CC2D1A: variants seen among roughly 807,000 people sequenced by gnomAD.
CC2D1A encodes coiled-coil and C2 domain containing 1A, also known as coiled-coil and C2 domain-containing protein 1A.
A neutral mutation model predicts 123.8 loss-of-function variants in CC2D1A; 68 were observed. That is an observed-to-expected ratio of 0.55 (90% CI 0.45 to 0.67). The LOEUF is 0.67. Ranked by LOEUF, CC2D1A falls within the 30% of genes least tolerant of loss-of-function variation. The pLI, the probability that CC2D1A is intolerant of heterozygous loss-of-function variation, is 0.00. For synonymous variants in CC2D1A, 477 were observed against 528.0 expected (o/e 0.90, Z 1.32); for missense variants, 1,185 against 1,290.3 (o/e 0.92, Z 1.25).
intron 1 of CC2D1A, among the ~76,000 whole-genome samples, chr19:13,909,249 G>A (rs992822944): frequency 3.9e-5 from 6 of 151,988 alleles, no homozygotes; most frequent in Middle Eastern, 3.2e-3. Context: ...GGTGGCGGGC[G>A]CCTGTAGTCC....
intron 1 of CC2D1A, among the ~76,000 whole-genome samples, chr19:13,907,073 C>T (rs1970782061): frequency 6.6e-6 from 1 of 152,182 alleles, no homozygotes; most frequent in African/African-American, 2.4e-5. Context: ...GAAGTTCCCT[C>T]CTGGCCTCTG....
chr19:13,922,135 G>A (rs1180562909), intron 14 of CC2D1A, among the ~76,000 whole-genome samples: 1 of 152,156 alleles, frequency 6.6e-6, no homozygotes, highest in Non-Finnish European at 1.5e-5. Context: ...CCGAGTAGCT[G>A]GAACTACAGG....
Position 13,923,038 on chromosome 19 carries a change from C to CA in CC2D1A, c.1642-290dup. Among the ~76,000 whole-genome samples the CA allele has an allele frequency of 6.6e-6, 1 of 152,156 alleles. No individual in the cohort carries two copies. The highest frequency in any genetic ancestry group is 6.6e-5 in the Admixed American group (1 of 15,260). On this transcript the variant is annotated intron_variant, in intron 14 of 28. Transcript: ENST00000318003. The surrounding 1 kb of genome is among the most constrained non-coding windows in gnomAD (Gnocchi z 5.3). ...TGAAACCCTGTCTCTACTAAAAATA[C>CA]AAAAATTAGCCAGGTGTGGTGGCAG...
intron 1 of CC2D1A, among the ~76,000 whole-genome samples, chr19:13,908,366 G>A (rs777473916): frequency 3.3e-5 from 5 of 152,054 alleles, no homozygotes; most frequent in Non-Finnish European, 7.4e-5. Flanking sequence ...GGCTAGTCTC[G>A]AACTGCTGAC....
intron 14 of CC2D1A, among the ~76,000 whole-genome samples, chr19:13,922,493 G>A (rs1359992140): frequency 6.6e-6 from 1 of 152,138 alleles, no homozygotes; most frequent in Non-Finnish European, 1.5e-5. Context: ...ACATCTCCAG[G>A]AGGCCTACCC....
intron 1 of CC2D1A, among the ~76,000 whole-genome samples, chr19:13,907,831 C>A (rs890731229): frequency 7.2e-5 from 11 of 152,146 alleles, no homozygotes; most frequent in Non-Finnish European, 1.2e-4. Flanking sequence ...TTACTATTAT[C>A]ATTATTACTA....
intron 12 of CC2D1A, 67 bp from the exon 13 acceptor site, chr19:13,920,490 G>A: frequency 1.0e-6 from 1 of 958,684 alleles, no homozygotes; most frequent in South Asian, 1.4e-5. Context: ...ATCAGACCCT[G>A]ATCCTTGGGG....
intron 1 of CC2D1A, among the ~76,000 whole-genome samples, chr19:13,907,823 A>G (rs1291672726): frequency 6.6e-6 from 1 of 152,176 alleles, no homozygotes; most frequent in African/African-American, 2.4e-5. Flanking sequence ...AATAAATGTT[A>G]CTATTATCAT....
In CC2D1A at chr19:13,926,647, TG is replaced by T; in HGVS notation, c.2015-19del. The T allele has an allele frequency of 1.9e-6, 3 of 1,614,204 alleles. No individual in the cohort carries two copies. Among genetic ancestry groups the T allele is most frequent in the Non-Finnish European group, 2.5e-6 (3 of 1,180,034 alleles). On this transcript the variant is annotated intron_variant, in intron 18 of 28. Coordinates refer to ENST00000318003, the MANE Select transcript of CC2D1A (RefSeq NM_017721.5). ...TGGGGACCCCCTCTCTGCCCAGCTC[TG>T]ACCGTTGTTTGCCCACAGGACTGTC...
At chr19:13,917,323 C>A (rs1481179055) in intron 6 of CC2D1A, among the ~76,000 whole-genome samples, 2 of 151,952 alleles carry the variant, frequency 1.3e-5, no homozygotes, top group Non-Finnish European at 1.5e-5. Flanking sequence ...AAATAAAAAA[C>A]CAGCCGGGCA....
At chr19:13,916,986 T>C (rs1221523440) in intron 6 of CC2D1A, among the ~76,000 whole-genome samples, 1 of 152,248 alleles carries the variant, frequency 6.6e-6, no homozygotes, top group African/African-American at 2.4e-5. Context: ...AAGCACTGAA[T>C]ACTGGGTTTC....
rs753896625 is a variant in CC2D1A, at chr19:13,925,695, G to A, written c.1941-822G>A. On this transcript the variant is annotated intron_variant, in intron 17 of 28. Transcript: ENST00000318003. ...GCCAGGCTGGGAGGCCAAGGCAGGCGGATCATTTGAGGTCGGGAGTTCGAG... is the reference window on the plus strand; with the variant it reads ...GCCAGGCTGGGAGGCCAAGGCAGGCAGATCATTTGAGGTCGGGAGTTCGAG... Among the ~76,000 whole-genome samples the A allele has an allele frequency of 2.6e-5, 4 of 151,616 alleles. No homozygotes were observed. In the South Asian group the frequency reaches 6.2e-4, roughly 24 times the overall value.
At chr19:13,920,981 T>C (rs1184112282) in intron 14 of CC2D1A, 59 bp downstream of exon 14, 10 of 1,496,472 alleles carry the variant, frequency 6.7e-6, no homozygotes, top group Admixed American at 2.2e-5. Context: ...CTCCTGCCCC[T>C]TAGCAGCCAC....
At position 13,927,955 on chromosome 19, in the gene CC2D1A, A is replaced by C; in HGVS notation, c.2379A>C (p.Pro793=). ...RLEVMVRIRE[P]LTAQQLETTT... is the part of the protein sequence containing the mutation. ...AGGTAATGGTCCGGATTCGGGAGCCACTGACAGCCCAGCAGTTGGAGACGA... is the reference window on the plus strand; with the variant it reads ...AGGTAATGGTCCGGATTCGGGAGCCCCTGACAGCCCAGCAGTTGGAGACGA... Residue 793 remains proline (P), a synonymous_variant, in exon 23 of 29, where the codon CCA becomes CCC. Transcript: ENST00000318003. 1 of 1,613,674 alleles carries C rather than the reference A, an allele frequency of 6.2e-7. No individual in the cohort carries two copies. Among genetic ancestry groups the C allele is most frequent in the South Asian group, 1.1e-5 (1 of 91,086 alleles).
chr19:13,926,680 CGATCTG>C lies in CC2D1A; in HGVS notation c.2032_2037del (p.Leu678_Asp679del). The C allele has an allele frequency of 6.2e-7, 1 of 1,614,186 alleles. No individual in the cohort carries two copies. Among genetic ancestry groups the C allele is most frequent in the Admixed American group, 1.7e-5 (1 of 60,024 alleles). On this transcript the variant is annotated inframe_deletion, in exon 19 of 29. Transcript: ENST00000318003. ...GTTTGCCCACAGGACTGTCCCCTGG[CGATCTG>C]GATGTCTTTGTTCGGTTTGACTTCC...
intron 1 of CC2D1A, among the ~76,000 whole-genome samples, chr19:13,907,368 G>A (rs1053628223): frequency 2.6e-5 from 4 of 152,086 alleles, no homozygotes; most frequent in Admixed American, 2.0e-4. Flanking sequence ...CTATGATTGC[G>A]CTACTTCTGC....
At position 13,912,341 on chromosome 19, in the gene CC2D1A, C is replaced by G. The variant is rs1242504948; in HGVS notation, c.215C>G (p.Ala72Gly). 1 of 1,608,982 alleles carries G rather than the reference C, an allele frequency of 6.2e-7. No individual in the cohort carries two copies. ...LKGKGPLPME[A>G]IEKMASLCMR... ...CCGCCAGGTCCCTTGCCGATGGAGG[C>G]CATTGAGAAGATGGCCAGCCTGTGC... is the stretch of plus-strand genomic sequence containing the variant. Residue 72 changes from alanine to glycine, a missense_variant, in exon 3 of 29, where the codon GCC becomes GGC. Transcript: ENST00000318003.
rs769227024 is a variant in CC2D1A at position 13,913,288 on chromosome 19, G to A, written c.499G>A (p.Asp167Asn). Residue 167 changes from aspartate (D) to asparagine (N), a missense_variant, in exon 5 of 29, where the codon GAT becomes AAT. Transcript: ENST00000318003. The part of the protein sequence containing the change: ...AGDSAKMRRY[D>N]RGLKTLENLL... ...AGACAGCGCCAAGATGCGGCGCTACGATCGGGGGCTTAAAGTAAGTGGGCA... is the reference window on the plus strand; with the variant it reads ...AGACAGCGCCAAGATGCGGCGCTACAATCGGGGGCTTAAAGTAAGTGGGCA... 30 of 1,612,706 alleles carry A rather than the reference G, an allele frequency of 1.9e-5. No individual in the cohort carries two copies. The highest frequency in any genetic ancestry group is 4.5e-5 in the East Asian group (2 of 44,858).
chr19:13,916,422 G>A (rs1054083597), intron 6 of CC2D1A, among the ~76,000 whole-genome samples: 2 of 152,086 alleles, frequency 1.3e-5, no homozygotes, highest in Non-Finnish European at 2.9e-5. Flanking sequence ...AAATTAGCCA[G>A]CCATGGTGGT....
Sources: allele counts gnomAD v4.1 joint callset (sites outside exome capture counted in the v4.1 genomes callset), GRCh38; gene constraint gnomAD v4.1.1; non-coding constraint Gnocchi (gnomAD v3.1); transcripts MANE v1.5; gene names NCBI Gene and HGNC (gene_info 2026-07-23, HGNC 2026-07-21).